Variants in CDH2 observed in about 807,000 individuals in gnomAD.
CDH2 encodes the protein cadherin 2.
CDH2 carries 17 observed loss-of-function variants against 92.0 expected under a neutral mutation model. The ratio of observed to expected loss-of-function variants is 0.18; its 90% CI spans 0.13 to 0.28. CDH2 has a LOEUF of 0.28. CDH2 is among the 10% of genes least tolerant of loss of function. CDH2 has a pLI of 1.00. For missense variants in CDH2, 862 were observed against 1,133.1 expected (o/e 0.76, Z 3.44); for synonymous variants, 419 against 415.9 (o/e 1.01, Z -0.09).
intron 7 of CDH2, 142 bp downstream of exon 7, chr18:28,002,855 A>G (rs2012807763): frequency 1.3e-6 from 1 of 757,680 alleles, no homozygotes; most frequent in Non-Finnish European, 2.2e-6. Flanking sequence ...AGAAAAATAT[A>G]CAACAGATTA....
chr18:28,172,617 T>C (rs1157150386), intron 1 of CDH2, among the ~76,000 whole-genome samples: 3 of 152,202 alleles, frequency 2.0e-5, no homozygotes, highest in Non-Finnish European at 2.9e-5. Context: ...CTAGCAAGTA[T>C]ACTGCTGTCA....
intron 7 of CDH2, among the ~76,000 whole-genome samples, chr18:28,000,531 C>T (rs924611968): frequency 1.3e-5 from 2 of 152,136 alleles, no homozygotes; most frequent in Non-Finnish European, 2.9e-5. Context: ...ACAGCCCATA[C>T]TAAGCAGAGC....
At chr18:28,161,759 C>A (rs979043915) in intron 1 of CDH2, among the ~76,000 whole-genome samples, 1 of 152,012 alleles carries the variant, frequency 6.6e-6, no homozygotes, top group Non-Finnish European at 1.5e-5. Flanking sequence ...AATTTGGGGA[C>A]CGTCAGAGTG....
intron 2 of CDH2, among the ~76,000 whole-genome samples, chr18:28,136,481 G>A (rs1433806275): frequency 4.0e-5 from 6 of 150,816 alleles, no homozygotes; most frequent in East Asian, 1.9e-4. Flanking sequence ...CTCCTTATTT[G>A]AGCATCTGGT....
chr18:28,139,848 T>A (rs2144313313), intron 2 of CDH2, among the ~76,000 whole-genome samples: 1 of 152,174 alleles, frequency 6.6e-6, no homozygotes, highest in East Asian at 1.9e-4. Context: ...GTCAAGGTTT[T>A]ACTTACTGTT....
In CDH2 at chr18:27,959,067, A is replaced by C. The variant is rs921949280; in HGVS notation, c.2514+4290T>G. Among the ~76,000 whole-genome samples the C allele has an allele frequency of 3.9e-5, 6 of 152,274 alleles. No individual in the cohort carries two copies. In the East Asian group the frequency reaches 7.7e-4, roughly 20 times the overall value. Reference sequence around the variant, plus strand: ...TACACGTATATATATAAAGAAGTTTATTTCTTTTTACAAAGAAATACACAG... The same window carrying C: ...TACACGTATATATATAAAGAAGTTTCTTTCTTTTTACAAAGAAATACACAG... On this transcript the variant is annotated intron_variant, in intron 15 of 15. Coordinates refer to ENST00000269141, the MANE Select transcript of CDH2 (RefSeq NM_001792.5).
At chr18:28,121,745 C>T (rs192087221) in intron 2 of CDH2, among the ~76,000 whole-genome samples, 2 of 151,972 alleles carry the variant, frequency 1.3e-5, no homozygotes, top group Non-Finnish European at 1.5e-5. Context: ...CACATTGGTG[C>T]GATAGATGAT....
intron 1 of CDH2, among the ~76,000 whole-genome samples, chr18:28,164,487 A>C (rs376367575): frequency 6.6e-6 from 1 of 152,230 alleles, no homozygotes. Context: ...ATAAACCATC[A>C]GCACCTATGA....
At chr18:28,091,730 C>A (rs1053977462) in intron 2 of CDH2, among the ~76,000 whole-genome samples, 2 of 152,074 alleles carry the variant, frequency 1.3e-5, no homozygotes, top group African/African-American at 2.4e-5. Flanking sequence ...GACATTAATA[C>A]AAATTTTGTT....
chr18:28,073,383 T>A (rs1372563819), intron 2 of CDH2, among the ~76,000 whole-genome samples: 2 of 152,192 alleles, frequency 1.3e-5, no homozygotes, highest in Non-Finnish European at 2.9e-5. Context: ...AGTTTCTATT[T>A]TTAAAAAATC....
chr18:28,143,048 C>T (rs1171299604), intron 2 of CDH2, among the ~76,000 whole-genome samples: 1 of 152,012 alleles, frequency 6.6e-6, no homozygotes, highest in African/African-American at 2.4e-5. Context: ...AATCAGTAAG[C>T]ACACTAATCT....
intron 2 of CDH2, among the ~76,000 whole-genome samples, chr18:28,081,640 T>C (rs2014831356): frequency 1.3e-5 from 2 of 152,228 alleles, no homozygotes; most frequent in African/African-American, 4.8e-5. Context: ...ATTCCACTTA[T>C]GTGTAACAAT....
chr18:28,001,929 TATA>T, intron 7 of CDH2, among the ~76,000 whole-genome samples: 1 of 152,254 alleles, frequency 6.6e-6, no homozygotes, highest in East Asian at 1.9e-4. Flanking sequence ...TTGCAGTGGG[TATA>T]ATGTCTCCTT....
intron 1 of CDH2, among the ~76,000 whole-genome samples, chr18:28,166,149 C>CATATATATATATATAT (rs35562216): frequency 0.16 from 9,371 of 58,738 alleles, 1,309 homozygotes; most frequent in East Asian, 0.2. Context: ...CAGACACACT[C>CATATATATATATATAT]ATATATATAT....
At chr18:28,136,343 A>G (rs983995853) in intron 2 of CDH2, among the ~76,000 whole-genome samples, 1 of 151,840 alleles carries the variant, frequency 6.6e-6, no homozygotes, top group Non-Finnish European at 1.5e-5. Flanking sequence ...AGGTCTAGGA[A>G]TGAACTGAGA....
chr18:28,155,723 A>T (rs1568020114), intron 1 of CDH2, among the ~76,000 whole-genome samples: 1 of 152,226 alleles, frequency 6.6e-6, no homozygotes, highest in Non-Finnish European at 1.5e-5. Flanking sequence ...TAGAGTAATG[A>T]CACTGTTCGA....
chr18:28,049,595 C>A (rs531343360), intron 2 of CDH2, among the ~76,000 whole-genome samples: 1 of 152,136 alleles, frequency 6.6e-6, no homozygotes, highest in Non-Finnish European at 1.5e-5. Flanking sequence ...ACATCATGAA[C>A]GGCATATTGA....
intron 1 of CDH2, among the ~76,000 whole-genome samples, chr18:28,175,481 G>A (rs954743500): frequency 3.9e-5 from 6 of 152,220 alleles, no homozygotes; most frequent in Admixed American, 1.3e-4. Context: ...GAGCCGGGCA[G>A]GGACAGGCGT....
chr18:28,142,644 C>T (rs2015973691), intron 2 of CDH2, among the ~76,000 whole-genome samples: 1 of 151,840 alleles, frequency 6.6e-6, no homozygotes, highest in African/African-American at 2.4e-5. Flanking sequence ...TCATTTTTTC[C>T]TCCTTAATCA....
Sources: gnomAD v4.1 joint callset for allele counts (sites outside exome capture counted in the v4.1 genomes callset) on GRCh38, gnomAD v4.1.1 for gene constraint, MANE v1.5 for transcripts, NCBI Gene and HGNC (gene_info 2026-07-23, HGNC 2026-07-21) for gene names.